Variants in AGMO observed in about 807,000 individuals in gnomAD.
AGMO encodes glyceryl-ether monooxygenase.
In AGMO, 75 loss-of-function variants were observed where a neutral mutation model predicts 60.2. That is an observed-to-expected ratio of 1.25 (90% confidence interval 1.03 to 1.51). The LOEUF (loss-of-function observed/expected upper bound fraction) is 1.51, where lower values mean the gene tolerates loss of function less well. AGMO is among the 40% of genes most tolerant of loss of function. The pLI is 0.00. For synonymous variants in AGMO, 261 were observed against 177.1 expected (o/e 1.47, Z -3.76); for missense variants, 763 against 525.5 (o/e 1.45, Z -4.42).
At chr7:15,296,361 C>A (rs1020334725) in intron 12 of AGMO, among the ~76,000 whole-genome samples, 2 of 152,146 alleles carry the variant, frequency 1.3e-5, no homozygotes, top group Admixed American at 1.3e-4. Flanking sequence ...GGATGTAAGA[C>A]AAGTGCCTTA....
chr7:15,528,750 G>A (rs1402847425), intron 3 of AGMO, among the ~76,000 whole-genome samples: 14 of 152,126 alleles, frequency 9.2e-5, no homozygotes, highest in Admixed American at 8.5e-4. Context: ...CTAGGTTCAA[G>A]TGATTCTCCC....
chr7:15,369,899 C>T (rs1043209887), intron 10 of AGMO, among the ~76,000 whole-genome samples: 29 of 152,162 alleles, frequency 1.9e-4, no homozygotes, highest in African/African-American at 7.0e-4. Context: ...GAATCTATTT[C>T]ATTTTTTACA....
chr7:15,418,285 A>G (rs181725712), intron 5 of AGMO, among the ~76,000 whole-genome samples: 1,744 of 152,170 alleles, frequency 0.011, 14 homozygotes, highest in Middle Eastern at 0.071. Context: ...ACTGTAATAC[A>G]GGAAGATATT....
At chr7:15,402,939 T>G (rs944069362) in intron 5 of AGMO, among the ~76,000 whole-genome samples, 12 of 151,774 alleles carry the variant, frequency 7.9e-5, no homozygotes, top group Admixed American at 2.0e-4. Flanking sequence ...AGAAATGATG[T>G]AATACACAAG....
chr7:15,206,821 C>T (rs1781451674), intron 12 of AGMO, among the ~76,000 whole-genome samples: 1 of 152,082 alleles, frequency 6.6e-6, no homozygotes, highest in Non-Finnish European at 1.5e-5. Context: ...CACATTAAAA[C>T]AGAGTTTTCA....
chr7:15,476,503 C>T (rs569094727), intron 3 of AGMO, among the ~76,000 whole-genome samples: 18 of 152,080 alleles, frequency 1.2e-4, no homozygotes, highest in Admixed American at 4.6e-4. Context: ...TTCTATGGCA[C>T]GAAGTAAGTT....
At chr7:15,437,573 C>T (rs566067416) in intron 3 of AGMO, among the ~76,000 whole-genome samples, 3 of 140,360 alleles carry the variant, frequency 2.1e-5, no homozygotes, top group Non-Finnish European at 3.0e-5. Flanking sequence ...CTGTCTCTGT[C>T]GCCCAGGCTC....
chr7:15,508,633 C>T (rs1381000307), intron 3 of AGMO, among the ~76,000 whole-genome samples: 3 of 151,958 alleles, frequency 2.0e-5, no homozygotes, highest in African/African-American at 7.3e-5. Flanking sequence ...GGAAAGTTCA[C>T]CAATAAGAAT....
chr7:15,406,559 TACACACACACAC>T (rs201255638), intron 5 of AGMO, among the ~76,000 whole-genome samples: 1 of 65,946 alleles, frequency 1.5e-5, no homozygotes, highest in Non-Finnish European at 2.8e-5. Flanking sequence ...TTGTTTGGAA[TACACACACACAC>T]ACACACACAC....
intron 12 of AGMO, among the ~76,000 whole-genome samples, chr7:15,350,895 G>A (rs930687104): frequency 6.6e-6 from 1 of 152,156 alleles, no homozygotes; most frequent in Non-Finnish European, 1.5e-5. Flanking sequence ...ATTTTGGAGA[G>A]ACAGTAATTA....
chr7:15,480,974 A>C (rs1281783547), intron 3 of AGMO, among the ~76,000 whole-genome samples: 2 of 152,148 alleles, frequency 1.3e-5, no homozygotes, highest in East Asian at 3.9e-4. Flanking sequence ...ATTAATGTAT[A>C]AACATTATGT....
intron 12 of AGMO, among the ~76,000 whole-genome samples, chr7:15,235,147 C>T (rs1782377767): frequency 6.6e-6 from 1 of 152,002 alleles, no homozygotes; most frequent in Non-Finnish European, 1.5e-5. Flanking sequence ...TGAGACTCTC[C>T]CCCGGGTCCT....
At chr7:15,330,930 G>T (rs751013794) in intron 12 of AGMO, among the ~76,000 whole-genome samples, 8 of 151,980 alleles carry the variant, frequency 5.3e-5, no homozygotes, top group Non-Finnish European at 8.8e-5. Flanking sequence ...ATTGGGACTA[G>T]GTTTGTGTGA....
chr7:15,495,877 C>CTT (rs1160584436), intron 3 of AGMO, among the ~76,000 whole-genome samples: 20 of 150,252 alleles, frequency 1.3e-4, no homozygotes, highest in Non-Finnish European at 1.5e-5. Context: ...CTCTCTCTCT[C>CTT]TCATTCTCTT....
rs76171829 is a variant in AGMO at position 15,252,718 on chromosome 7, T to C, written c.1264-51359A>G. 5.3e-5 allele frequency among the ~76,000 whole-genome samples: 8 copies of C among 152,294 alleles called. No individual in the cohort carries two copies. In the East Asian group the frequency reaches 1.2e-3, roughly 22 times the overall value. On this transcript the variant is annotated intron_variant, in intron 12 of 12. Coordinates refer to ENST00000342526, the MANE Select transcript of AGMO (RefSeq NM_001004320.2). Reference sequence around the variant, plus strand: ...AACTGTCAGAAGCTCAGTTAAGAACTTGTGATTCTTGAAATGCCTGTTAGA... The same window carrying C: ...AACTGTCAGAAGCTCAGTTAAGAACCTGTGATTCTTGAAATGCCTGTTAGA...
chr7:15,341,809 CAT>C (rs940316118), intron 12 of AGMO, among the ~76,000 whole-genome samples: 119 of 152,188 alleles, frequency 7.8e-4, no homozygotes, highest in African/African-American at 2.8e-3. Context: ...GGAGCAAAGG[CAT>C]GTCTTTCAAG....
intron 10 of AGMO, among the ~76,000 whole-genome samples, chr7:15,384,090 A>T (rs1191584046): frequency 6.6e-6 from 1 of 151,960 alleles, no homozygotes; most frequent in Non-Finnish European, 1.5e-5. Flanking sequence ...GCCCGCCACC[A>T]TGCCTGGCTA....
intron 12 of AGMO, among the ~76,000 whole-genome samples, chr7:15,264,821 A>G (rs1359538908): frequency 2.0e-5 from 3 of 152,114 alleles, no homozygotes; most frequent in Non-Finnish European, 4.4e-5. Context: ...AAACACTTAT[A>G]CCTTGTTGGT....
intron 6 of AGMO, among the ~76,000 whole-genome samples, chr7:15,392,864 T>A (rs1309648683): frequency 6.6e-6 from 1 of 152,134 alleles, no homozygotes; most frequent in Non-Finnish European, 1.5e-5. Context: ...CTGAACATCA[T>A]AGCTTCGCCT....
Sources: gnomAD v4.1 joint callset for allele counts (sites outside exome capture counted in the v4.1 genomes callset) on GRCh38, gnomAD v4.1.1 for gene constraint, MANE v1.5 for transcripts, NCBI Gene and HGNC (gene_info 2026-07-23, HGNC 2026-07-21) for gene names.